EML6: variants seen among roughly 807,000 people sequenced by gnomAD.
EML6 encodes the protein EMAP like 6.
Under a neutral mutation model 240.1 loss-of-function variants are expected in EML6, and 154 were observed. That is an observed-to-expected ratio of 0.64 (90% CI 0.56 to 0.73). EML6 has a LOEUF of 0.73. Among genes scored for constraint, EML6 ranks in the 30% least tolerant of loss-of-function variants. EML6 has a pLI of 0.00. For synonymous variants in EML6, 1,148 were observed against 899.0 expected (o/e 1.28, Z -4.95); for missense variants, 2,964 against 2,474.6 (o/e 1.20, Z -4.20).
intron 26 of EML6, among the ~76,000 whole-genome samples, chr2:54,924,508 T>A (rs1573153142): frequency 6.6e-6 from 1 of 152,342 alleles, no homozygotes; most frequent in East Asian, 1.9e-4. Flanking sequence ...TGGCTTAAAC[T>A]ACTAGCCAAA....
chr2:54,757,017 A>AT (rs1200186071), intron 2 of EML6, among the ~76,000 whole-genome samples: 1 of 151,520 alleles, frequency 6.6e-6, no homozygotes, highest in Non-Finnish European at 1.5e-5. Context: ...AATCGGTTGA[A>AT]TTTTTATTTT....
In EML6 at chr2:54,970,122, C is replaced by T; in HGVS notation, c.*27C>T. On this transcript the variant is annotated 3_prime_UTR_variant, in exon 42 of 42. Transcript: ENST00000356458. ...ATGCCAGAAGCCTCTTATGTTATTG[C>T]TGCTGCTGCTACCAGCCAGCAACTG... 6.5e-7 allele frequency: 1 copy of T among 1,549,380 alleles called. No individual in the cohort carries two copies. Among genetic ancestry groups the T allele is most frequent in the Non-Finnish European group, 8.7e-7 (1 of 1,144,956 alleles).
intron 15 of EML6, among the ~76,000 whole-genome samples, chr2:54,871,098 G>A (rs1035615419): frequency 3.9e-5 from 6 of 152,308 alleles, no homozygotes; most frequent in African/African-American, 1.4e-4. Flanking sequence ...TAGCGTAACT[G>A]AGAATGGGTA....
At chr2:54,819,143 G>C (rs908130692) in intron 4 of EML6, among the ~76,000 whole-genome samples, 1 of 152,098 alleles carries the variant, frequency 6.6e-6, no homozygotes, top group African/African-American at 2.4e-5. Context: ...TCTTTCTGGG[G>C]ACCATAATTG....
chr2:54,787,069 C>T (rs1669131596), intron 2 of EML6, among the ~76,000 whole-genome samples: 1 of 152,010 alleles, frequency 6.6e-6, no homozygotes, highest in Non-Finnish European at 1.5e-5. Context: ...TCAGGTGTGC[C>T]CACTGAGGTC....
At chr2:54,843,741 G>T (rs1360800719) in intron 7 of EML6, among the ~76,000 whole-genome samples, 9 of 151,658 alleles carry the variant, frequency 5.9e-5, no homozygotes, top group African/African-American at 1.9e-4. Context: ...TACTTGGGAG[G>T]CTGAGGCAGG....
chr2:54,957,372 A>G (rs1227503184), intron 32 of EML6, among the ~76,000 whole-genome samples: 1 of 134,230 alleles, frequency 7.4e-6, no homozygotes, highest in East Asian at 2.3e-4. Context: ...AAAAAAAAAA[A>G]GCTCTCTAGA....
chr2:54,885,315 C>T (rs1238699746), intron 17 of EML6, among the ~76,000 whole-genome samples: 2 of 151,628 alleles, frequency 1.3e-5, no homozygotes, highest in Non-Finnish European at 2.9e-5. Context: ...GGCATGGTGG[C>T]ACATGCCTGT....
chr2:54,923,764 C>T (rs1417199874), intron 26 of EML6, among the ~76,000 whole-genome samples: 1 of 152,178 alleles, frequency 6.6e-6, no homozygotes, highest in Non-Finnish European at 1.5e-5. Context: ...CCACCCCAGG[C>T]TGCTTCCTCA....
intron 2 of EML6, among the ~76,000 whole-genome samples, chr2:54,767,145 T>C (rs897799561): frequency 2.0e-5 from 3 of 152,190 alleles, no homozygotes; most frequent in African/African-American, 7.2e-5. Context: ...CTGTTTGCTG[T>C]CACTGTTTCT....
chr2:54,793,963 C>G (rs1385557097), intron 2 of EML6, among the ~76,000 whole-genome samples: 1 of 152,198 alleles, frequency 6.6e-6, no homozygotes, highest in African/African-American at 2.4e-5. Flanking sequence ...ACAGTTGTTA[C>G]TGGTTTCCCT....
intron 16 of EML6, among the ~76,000 whole-genome samples, chr2:54,876,694 T>C (rs548531951): frequency 1.4e-4 from 21 of 152,332 alleles, no homozygotes; most frequent in African/African-American, 5.1e-4. Context: ...ACAATTTCTT[T>C]AAAAATCTGT....
chr2:54,963,951 A>T lies in EML6; in HGVS notation c.5158-35A>T, dbSNP rs1400190826. On this transcript the variant is annotated intron_variant, in intron 36 of 41. Coordinates refer to ENST00000356458, the MANE Select transcript of EML6 (RefSeq NM_001039753.4). Reference sequence around the variant, plus strand: ...CTCCTGGAGACCAGCTGAGGGGGCCAAGAGCTCAGGTGACTTTCCTTTGCA... The same window carrying T: ...CTCCTGGAGACCAGCTGAGGGGGCCTAGAGCTCAGGTGACTTTCCTTTGCA... 5 of 1,528,196 alleles carry T rather than the reference A, an allele frequency of 3.3e-6. No individual in the cohort carries two copies. The African/African-American group carries it at 4.2e-5, about 13-fold the overall frequency. 94.7% of individuals were successfully genotyped at this position (1,528,196 alleles called of 1,614,324 possible).
At chr2:54,875,118 C>A (rs916164397) in intron 16 of EML6, among the ~76,000 whole-genome samples, 3 of 152,186 alleles carry the variant, frequency 2.0e-5, no homozygotes, top group Admixed American at 6.5e-5. Context: ...GTAAGCTTGT[C>A]CATCTGCCCT....
chr2:54,970,100 C>T lies in EML6; in HGVS notation c.*5C>T. 3.9e-6 allele frequency: 6 copies of T among 1,551,584 alleles called. No homozygotes were observed. Among genetic ancestry groups the T allele is most frequent in the African/African-American group, 1.4e-5 (1 of 73,154 alleles). ...TTTGTGTGGCGATGTCTGTAAAATG[C>T]CAGAAGCCTCTTATGTTATTGCTGC... On this transcript the variant is annotated 3_prime_UTR_variant, in exon 42 of 42. Coordinates refer to ENST00000356458, the MANE Select transcript of EML6 (RefSeq NM_001039753.4).
intron 16 of EML6, among the ~76,000 whole-genome samples, chr2:54,873,316 A>C (rs1167702753): frequency 6.6e-6 from 1 of 152,232 alleles, no homozygotes; most frequent in Non-Finnish European, 1.5e-5. Context: ...GGTAAAAATC[A>C]AGGTTAAACA....
intron 2 of EML6, among the ~76,000 whole-genome samples, chr2:54,782,847 T>C (rs140560312): frequency 6.6e-6 from 1 of 152,192 alleles, no homozygotes; most frequent in Non-Finnish European, 1.5e-5. Context: ...TGCCACCACT[T>C]GCCTACCGTG....
chr2:54,827,875 T>C, intron 6 of EML6, 124 bp downstream of exon 6: 1 of 651,116 alleles, frequency 1.5e-6, no homozygotes, highest in Non-Finnish European at 2.6e-6. Flanking sequence ...TCCCTACTCA[T>C]GATAATTTCC....
chr2:54,948,843 G>A, intron 28 of EML6, 39 bp from the exon 29 acceptor site: 1 of 1,503,792 alleles, frequency 6.6e-7, no homozygotes, highest in Non-Finnish European at 9.1e-7. Flanking sequence ...TGCAGCCCTT[G>A]TTCAATGCTG....
Sources: gnomAD v4.1 joint callset for allele counts (sites outside exome capture counted in the v4.1 genomes callset) on GRCh38, gnomAD v4.1.1 for gene constraint, MANE v1.5 for transcripts, NCBI Gene and HGNC (gene_info 2026-07-23, HGNC 2026-07-21) for gene names.